Variants in CPS1 observed in about 807,000 individuals in gnomAD.
CPS1 encodes carbamoyl-phosphate synthase 1, also known as carbamoyl-phosphate synthase [ammonia], mitochondrial.
CPS1 carries 109 observed loss-of-function variants against 174.6 expected under a neutral mutation model. The observed-to-expected ratio is 0.62, with a 90% CI of 0.53 to 0.73. CPS1 has a LOEUF of 0.73. Among genes scored for constraint, CPS1 ranks in the 30% least tolerant of loss-of-function variants. The pLI is 0.00. For synonymous variants in CPS1, 637 were observed against 632.0 expected (o/e 1.01, Z -0.12); for missense variants, 1,689 against 1,821.9 (o/e 0.93, Z 1.33).
chr2:210,486,749 A>G (rs985343500), intron 1 of CPS1, among the ~76,000 whole-genome samples: 2 of 152,146 alleles, frequency 1.3e-5, no homozygotes, highest in Non-Finnish European at 2.9e-5. Flanking sequence ...ACCTCAGGTG[A>G]TCCGCTCGCC....
intron 1 of CPS1, among the ~76,000 whole-genome samples, chr2:210,542,016 C>T (rs1164065601): frequency 8.5e-5 from 13 of 152,128 alleles, no homozygotes; most frequent in Non-Finnish European, 1.5e-5. Context: ...TTTTCCCCTC[C>T]TCCCTTATTT....
chr2:210,562,517 A>G (rs2287602), intron 1 of CPS1, among the ~76,000 whole-genome samples: 26,042 of 152,142 alleles, frequency 0.17, 2,455 homozygotes, highest in Admixed American at 0.26. Context: ...AAAGAATAAG[A>G]TTTCATTTAC....
chr2:210,665,833 A>G (rs1701078943), intron 33 of CPS1, among the ~76,000 whole-genome samples: 1 of 145,416 alleles, frequency 6.9e-6, no homozygotes, highest in Non-Finnish European at 1.5e-5. Flanking sequence ...TCCTTTGGGT[A>G]TATACCCAGT....
chr2:210,595,817 A>G (rs552510092), intron 13 of CPS1, among the ~76,000 whole-genome samples: 106 of 152,042 alleles, frequency 7.0e-4, no homozygotes, highest in Non-Finnish European at 1.3e-3. Flanking sequence ...TATTTAGGTT[A>G]TTGCCTCCTT....
Position 210,590,240 on chromosome 2 carries a change from A to C in CPS1, c.840+6A>C. On this transcript the variant is annotated splice_donor_region_variant and intron_variant, in intron 8 of 37. Transcript: ENST00000233072. ...TAATTCAGAATGTCAGAAAGGTGCA[A>C]TGAACCTTGAATTCATGTGTATCTG... 6.2e-7 allele frequency: 1 copy of C among 1,612,518 alleles called. No individual in the cohort carries two copies. The highest frequency in any genetic ancestry group is 1.3e-5 in the African/African-American group (1 of 74,898).
chr2:210,588,210 T>C, intron 7 of CPS1, 63 bp downstream of exon 7: 1 of 1,410,796 alleles, frequency 7.1e-7, no homozygotes, highest in East Asian at 2.3e-5. Context: ...GTTCAGCTAA[T>C]TTCCTCTGTC....
chr2:210,569,279 G>A (rs1452274124), intron 1 of CPS1, among the ~76,000 whole-genome samples: 1 of 151,982 alleles, frequency 6.6e-6, no homozygotes, highest in Non-Finnish European at 1.5e-5. Flanking sequence ...AGAGGGCTGG[G>A]GAACATACTG....
intron 1 of CPS1, among the ~76,000 whole-genome samples, chr2:210,485,889 T>C (rs993812870): frequency 1.3e-5 from 2 of 152,022 alleles, no homozygotes; most frequent in African/African-American, 4.8e-5. Flanking sequence ...CACCAGCAGT[T>C]TATGAGATTT....
At chr2:210,562,908 T>C (rs1697152775) in intron 1 of CPS1, among the ~76,000 whole-genome samples, 1 of 151,722 alleles carries the variant, frequency 6.6e-6, no homozygotes, top group Non-Finnish European at 1.5e-5. Flanking sequence ...AATCTATTGC[T>C]GAATTAGCTT....
intron 31 of CPS1, 125 bp from the exon 32 acceptor site, chr2:210,660,360 A>G: frequency 1.1e-6 from 1 of 933,720 alleles, no homozygotes; most frequent in Non-Finnish European, 1.7e-6. Flanking sequence ...AAAAGAGACA[A>G]GATTAGCAAA....
intron 1 of CPS1, among the ~76,000 whole-genome samples, chr2:210,528,720 G>A (rs1332821429): frequency 6.6e-6 from 1 of 151,500 alleles, no homozygotes; most frequent in Non-Finnish European, 1.5e-5. Flanking sequence ...TGTGGGGGAG[G>A]CAGATCTCTA....
At chr2:210,625,928 A>G (rs1207220477) in intron 21 of CPS1, among the ~76,000 whole-genome samples, 2 of 152,078 alleles carry the variant, frequency 1.3e-5, no homozygotes, top group Non-Finnish European at 2.9e-5. Context: ...AAGAAAAACT[A>G]AAGTGGATAT....
chr2:210,573,410 G>A lies in CPS1; in HGVS notation c.236+3G>A. On this transcript the variant is annotated splice_donor_region_variant and intron_variant, in intron 2 of 37. Transcript: ENST00000233072. ...GTTTTTAATACTGGCCTGGGAGGGT[G>A]AGTAATGCTTTTCCAAGGCTTTATT... 1.1e-5 allele frequency: 17 copies of A among 1,598,630 alleles called. No homozygotes were observed. Among genetic ancestry groups the A allele is most frequent in the Non-Finnish European group, 1.5e-5 (17 of 1,166,100 alleles).
intron 25 of CPS1, among the ~76,000 whole-genome samples, chr2:210,643,846 G>C (rs16844718): frequency 0.24 from 36,235 of 151,794 alleles, 8,979 homozygotes; most frequent in African/African-American, 0.64. Context: ...ATATTCATTT[G>C]AGATAGACAG....
At chr2:210,609,728 T>C (rs1209410736) in intron 19 of CPS1, among the ~76,000 whole-genome samples, 1 of 151,936 alleles carries the variant, frequency 6.6e-6, no homozygotes, top group East Asian at 1.9e-4. Context: ...AGCAAAAGGC[T>C]GTTTATGACA....
chr2:210,663,896 G>A (rs1002027870), intron 33 of CPS1, among the ~76,000 whole-genome samples: 1 of 151,980 alleles, frequency 6.6e-6, no homozygotes, highest in Non-Finnish European at 1.5e-5. Context: ...TCTCATCAGT[G>A]CATATCCGAG....
chr2:210,604,691 C>A (rs979239983), intron 16 of CPS1, among the ~76,000 whole-genome samples: 3 of 151,872 alleles, frequency 2.0e-5, no homozygotes, highest in African/African-American at 7.2e-5. Context: ...GTACAAAGCA[C>A]CCTCAGCTAT....
intron 21 of CPS1, among the ~76,000 whole-genome samples, chr2:210,617,207 A>G (rs929502744): frequency 6.6e-6 from 1 of 152,036 alleles, no homozygotes; most frequent in Non-Finnish European, 1.5e-5. Flanking sequence ...CTGCTGGGGC[A>G]CCTTAGGCTG....
intron 1 of CPS1, among the ~76,000 whole-genome samples, chr2:210,520,594 C>T (rs565444383): frequency 3.9e-4 from 59 of 152,148 alleles, no homozygotes; most frequent in South Asian, 3.3e-3. Context: ...TTCATTATCT[C>T]TCCTTTTTGC....
Sources: allele counts gnomAD v4.1 joint callset (sites outside exome capture counted in the v4.1 genomes callset), GRCh38; gene constraint gnomAD v4.1.1; transcripts MANE v1.5; gene names NCBI Gene and HGNC (gene_info 2026-07-23, HGNC 2026-07-21).